Variants in RBPJ observed in about 807,000 individuals in gnomAD.
RBPJ encodes recombination signal binding protein for immunoglobulin kappa J region, also known as recombining binding protein suppressor of hairless.
In RBPJ, 9 loss-of-function variants were observed where a neutral mutation model predicts 67.8. The ratio of observed to expected loss-of-function variants is 0.13; its 90% confidence interval spans 0.08 to 0.23. The LOEUF (loss-of-function observed/expected upper bound fraction) is 0.23, where lower values mean the gene tolerates loss of function less well. Among genes scored for constraint, RBPJ ranks in the 10% least tolerant of loss-of-function variants. The pLI is 1.00. For synonymous variants in RBPJ, 198 were observed against 203.3 expected (o/e 0.97, Z 0.22); for missense variants, 305 against 595.6 (o/e 0.51, Z 5.08).
At chr4:26,174,449 C>T (rs1181532048) in intron 1 of RBPJ, among the ~76,000 whole-genome samples, 1 of 152,072 alleles carries the variant, frequency 6.6e-6, no homozygotes, top group African/African-American at 2.4e-5. Flanking sequence ...TTAAGTGATA[C>T]ACAGATGAGC....
chr4:26,231,715 T>A (rs1053657422), intron 1 of RBPJ, among the ~76,000 whole-genome samples: 2 of 151,564 alleles, frequency 1.3e-5, no homozygotes, highest in Admixed American at 1.3e-4. Flanking sequence ...CCCAGCCTAT[T>A]TTTTTGTATT....
At chr4:26,349,211 G>A (rs1726538478) in intron 1 of RBPJ, among the ~76,000 whole-genome samples, 2 of 151,948 alleles carry the variant, frequency 1.3e-5, no homozygotes, top group South Asian at 2.1e-4. Flanking sequence ...GGCACTACAG[G>A]TATGAGCCAC....
chr4:26,120,916 A>G, the RBPJ span, among the ~76,000 whole-genome samples: 5 of 127,850 alleles, frequency 3.9e-5, no homozygotes, highest in Non-Finnish European at 8.9e-5. Context: ...ATGGACATAC[A>G]TTTTTCAAAA....
At chr4:26,221,814 T>A (rs530062714) in intron 1 of RBPJ, among the ~76,000 whole-genome samples, 196 of 152,310 alleles carry the variant, frequency 1.3e-3, no homozygotes, top group African/African-American at 4.4e-3. Context: ...ATAATTCAAA[T>A]GTTCCTCGCA....
chr4:26,335,427 G>T (rs939757430), intron 1 of RBPJ, among the ~76,000 whole-genome samples: 1 of 151,840 alleles, frequency 6.6e-6, no homozygotes, highest in South Asian at 2.1e-4. Context: ...TGATCCACCC[G>T]CCTTGGCCTC....
chr4:26,376,776 T>C (rs1729789840), intron 1 of RBPJ, among the ~76,000 whole-genome samples: 1 of 152,240 alleles, frequency 6.6e-6, no homozygotes, highest in Non-Finnish European at 1.5e-5. Context: ...TTTCCCCATA[T>C]CCTTGCCAAC....
chr4:26,397,361 G>A (rs1268843234), intron 2 of RBPJ, among the ~76,000 whole-genome samples: 3 of 152,130 alleles, frequency 2.0e-5, no homozygotes, highest in African/African-American at 7.2e-5. Flanking sequence ...TGTGAGAAGA[G>A]TTGAGCTGAG....
chr4:26,154,261 T>TCGGGCAAGTTGCTGCATTTTCTC, the RBPJ span, among the ~76,000 whole-genome samples: 1 of 152,166 alleles, frequency 6.6e-6, no homozygotes, highest in Non-Finnish European at 1.5e-5. Context: ...ATTTGGGACT[T>TCGGGCAAGTTGCTGCATTTTCTC]CGGGCAAGTT....
Position 26,430,353 on chromosome 4 carries a change from C to T in RBPJ, c.1045-66C>T. The T allele has an allele frequency of 1.5e-6, 2 of 1,291,062 alleles. No homozygotes were observed. Among genetic ancestry groups the T allele is most frequent in the Non-Finnish European group, 2.2e-6 (2 of 900,622 alleles). 80.0% of individuals were successfully genotyped at this position (1,291,062 alleles called of 1,614,324 possible). On this transcript the variant is annotated intron_variant, in intron 9 of 10. Coordinates refer to ENST00000355476, the MANE Select transcript of RBPJ (RefSeq NM_015874.6). The surrounding 1 kb of genome is among the most constrained non-coding windows in gnomAD (Gnocchi z 4.1). ...AAACAAATGAAAGTTGAATGAGAAT[C>T]TAATTTGTGTACTTTAATGAAAAAT...
At chr4:26,210,956 A>G (rs1718401270) in intron 1 of RBPJ, among the ~76,000 whole-genome samples, 1 of 151,744 alleles carries the variant, frequency 6.6e-6, no homozygotes, top group African/African-American at 2.4e-5. Context: ...TTTTCTCCTT[A>G]AGTAGTCCAT....
At chr4:26,377,707 T>G (rs529766794) in intron 1 of RBPJ, among the ~76,000 whole-genome samples, 1 of 152,348 alleles carries the variant, frequency 6.6e-6, no homozygotes, top group South Asian at 2.1e-4. Context: ...GAAATTTGCT[T>G]ACTGAGACAT....
At chr4:26,112,782 A>T in the RBPJ span, 1 of 121,572 alleles carries the variant, frequency 8.2e-6, no homozygotes, top group Non-Finnish European at 1.7e-5. Context: ...TTTTTTGCAG[A>T]GAGTTTTGCT....
chr4:26,220,514 G>A (rs1180361240), intron 1 of RBPJ, among the ~76,000 whole-genome samples: 1 of 152,070 alleles, frequency 6.6e-6, no homozygotes, highest in Non-Finnish European at 1.5e-5. Flanking sequence ...ATCCATGCCC[G>A]GACAGAGTTT....
At chr4:26,106,803 T>G in the RBPJ span, among the ~76,000 whole-genome samples, 1 of 152,176 alleles carries the variant, frequency 6.6e-6, no homozygotes, top group Admixed American at 6.5e-5. Context: ...CAATGCACCC[T>G]CTCCCTTACA....
the RBPJ span, among the ~76,000 whole-genome samples, chr4:26,135,404 A>G: frequency 6.6e-6 from 1 of 152,064 alleles, no homozygotes; most frequent in Admixed American, 6.5e-5. Context: ...CTACTTTGAT[A>G]GGAAGTGGTG....
the RBPJ span, among the ~76,000 whole-genome samples, chr4:26,136,704 G>A: frequency 9.2e-5 from 14 of 152,148 alleles, no homozygotes; most frequent in African/African-American, 3.1e-4. Context: ...TTATCATTGG[G>A]AACTTTTTTT....
intron 1 of RBPJ, among the ~76,000 whole-genome samples, chr4:26,349,935 C>A (rs764670964): frequency 6.6e-6 from 1 of 152,156 alleles, no homozygotes; most frequent in African/African-American, 2.4e-5. Flanking sequence ...TGTTTTATTT[C>A]GGTTAAAGCA....
intron 1 of RBPJ, among the ~76,000 whole-genome samples, chr4:26,267,670 C>G (rs541553075): frequency 1.3e-5 from 2 of 151,942 alleles, no homozygotes; most frequent in Non-Finnish European, 2.9e-5. Flanking sequence ...TACAGTGGCA[C>G]GATCTCGGCT....
upstream of RBPJ, among the ~76,000 whole-genome samples, chr4:26,317,714 G>C (rs140540349): frequency 1.3e-5 from 2 of 152,316 alleles, no homozygotes; most frequent in Admixed American, 6.5e-5. Context: ...GGAGCCAATA[G>C]GATTTTCCGT....
Sources: gnomAD v4.1 joint callset for allele counts (sites outside exome capture counted in the v4.1 genomes callset) on GRCh38, gnomAD v4.1.1 for gene constraint, Gnocchi (gnomAD v3.1) non-coding constraint, MANE v1.5 for transcripts, NCBI Gene and HGNC (gene_info 2026-07-23, HGNC 2026-07-21) for gene names.